The following MMUT variants were observed in gnomAD, a reference collection of about 807,000 sequenced individuals.
MMUT encodes the protein methylmalonyl-CoA mutase.
MMUT carries 79 observed loss-of-function variants against 79.9 expected under a neutral mutation model. That is an observed-to-expected ratio of 0.99 (90% CI 0.82 to 1.19). The LOEUF (loss-of-function observed/expected upper bound fraction) is 1.19. Among genes scored for constraint, MMUT ranks in the 50% most tolerant of loss-of-function variants. The pLI is 0.00. For synonymous variants in MMUT, 273 were observed against 295.7 expected (o/e 0.92, Z 0.79); for missense variants, 860 against 917.2 (o/e 0.94, Z 0.81).
chr6:49,435,633 C>A lies in MMUT; in HGVS notation c.1957-10G>T. 1 of 1,611,650 alleles carries A rather than the reference C, an allele frequency of 6.2e-7. No individual in the cohort carries two copies. The highest frequency in any genetic ancestry group is 1.1e-5 in the South Asian group (1 of 90,736). ...CCACTTCACGAGGAGTCTAAACAGT[C>A]AGAAAGTAAAGATAAATCATTGTTT... On this transcript the variant is annotated splice_polypyrimidine_tract_variant and intron_variant, in intron 11 of 12. Coordinates refer to ENST00000274813, the MANE Select transcript of MMUT (RefSeq NM_000255.4).
Position 49,446,213 on chromosome 6 carries a change from G to A in MMUT, c.1560+1457C>T, listed in dbSNP as rs972536538. ...TTAATATAAAATTACTGTTGAGATA[G>A]TTCACATTTTTAAAAAAATTACCAC... On this transcript the variant is annotated intron_variant, in intron 8 of 12. Coordinates refer to ENST00000274813, the MANE Select transcript of MMUT (RefSeq NM_000255.4). Among the ~76,000 whole-genome samples the A allele has an allele frequency of 2.0e-5, 3 of 151,844 alleles. No individual in the cohort carries two copies. In the East Asian group the frequency reaches 5.8e-4, roughly 29 times the overall value.
At chr6:49,461,294 T>C (rs529083155) in intron 1 of MMUT, among the ~76,000 whole-genome samples, 29 of 152,306 alleles carry the variant, frequency 1.9e-4, no homozygotes, top group African/African-American at 7.0e-4. Flanking sequence ...TATACAGTTA[T>C]GTTTTATGCA....
chr6:49,435,464 G>A lies in MMUT; in HGVS notation c.2116C>T (p.Pro706Ser), dbSNP rs1196456166. The change falls in exon 12 of 13, where the codon CCA becomes TCA. Residue 706 changes from proline to serine, a missense_variant. Physicochemically the swap from Pro to Ser is moderately conservative, Grantham distance 74. Transcript: ENST00000274813. Reference protein sequence around the residue: ...DILVMCGGVIPPQDYEFLFEV... With the variant: ...DILVMCGGVISPQDYEFLFEV... ...ATAGAGATAAAAAATACCTGAGGTG[G>A]TATCACCCCTCCACACATGACAAGA... The A allele has an allele frequency of 9.9e-6, 16 of 1,613,550 alleles. No homozygotes were observed. Among genetic ancestry groups the A allele is most frequent in the Non-Finnish European group, 1.2e-5 (14 of 1,179,656 alleles).
Position 49,454,547 on chromosome 6 carries a change from A to T in MMUT, c.912-791T>A, listed in dbSNP as rs572300523. Among the ~76,000 whole-genome samples, 5 of 152,280 alleles carry T rather than the reference A, an allele frequency of 3.3e-5. No individual in the cohort carries two copies. The East Asian group carries it at 9.6e-4, about 29-fold the overall frequency. ...GGTCTTGAATTCCTGGCCTCATGTG[A>T]TCTGTCCGCCTCGGTCACCCGAAGC... On this transcript the variant is annotated intron_variant, in intron 4 of 12. Transcript: ENST00000274813.
chr6:49,462,881 T>G (rs1211403928), intron 1 of MMUT, among the ~76,000 whole-genome samples: 1 of 152,094 alleles, frequency 6.6e-6, no homozygotes, highest in African/African-American at 2.4e-5. Flanking sequence ...CAGAAGTACC[T>G]CCGAATTGCC....
intron 11 of MMUT, 42 bp downstream of exon 11, chr6:49,440,164 C>A: frequency 1.2e-6 from 2 of 1,608,436 alleles, no homozygotes; most frequent in Non-Finnish European, 1.7e-6. Flanking sequence ...ATGTAAGTGA[C>A]TAGTAAATAC....
chr6:49,437,402 A>G (rs1464154081), intron 11 of MMUT, among the ~76,000 whole-genome samples: 1 of 152,160 alleles, frequency 6.6e-6, no homozygotes, highest in Non-Finnish European at 1.5e-5. Context: ...TATCACTACC[A>G]TATAGAAAAA....
intron 12 of MMUT, among the ~76,000 whole-genome samples, chr6:49,433,406 T>C (rs1219240150): frequency 2.6e-5 from 4 of 152,246 alleles, no homozygotes; most frequent in Non-Finnish European, 5.9e-5. Flanking sequence ...TTGTAAAATA[T>C]ACCTTTGTGA....
At chr6:49,443,077 T>C (rs895814589) in intron 9 of MMUT, among the ~76,000 whole-genome samples, 12 of 152,118 alleles carry the variant, frequency 7.9e-5, no homozygotes, top group African/African-American at 2.7e-4. Context: ...GCAAAAGTAA[T>C]CATTTAATGA....
In MMUT at chr6:49,440,238, C is replaced by G. The variant is rs747897332; in HGVS notation, c.1924G>C (p.Gly642Arg). Reference protein sequence around the residue: ...KVIATGFADLGFDVDIGPLFQ... With the variant: ...KVIATGFADLRFDVDIGPLFQ... ...AGAGGGCCTATGTCCACATCAAAAC[C>G]AAGATCAGCAAATCCTGTAGCAATA... is the stretch of plus-strand genomic sequence containing the variant. Residue 642 changes from glycine to arginine, a missense_variant, in exon 11 of 13, where the codon GGT (glycine) becomes CGT (arginine). Gly to Arg is a moderately radical substitution (Grantham distance 125). Coordinates refer to ENST00000274813, the MANE Select transcript of MMUT (RefSeq NM_000255.4). 96 of 1,613,946 alleles carry G rather than the reference C, an allele frequency of 5.9e-5. No individual in the cohort carries two copies. The highest frequency in any genetic ancestry group is 7.6e-5 in the Non-Finnish European group (90 of 1,179,962).
At chr6:49,449,855 C>T (rs1446029446) in intron 6 of MMUT, among the ~76,000 whole-genome samples, 1 of 151,864 alleles carries the variant, frequency 6.6e-6, no homozygotes, top group African/African-American at 2.4e-5. Flanking sequence ...AAATATAATA[C>T]ATGAATGTAA....
chr6:49,455,941 T>G, intron 4 of MMUT, 139 bp downstream of exon 4: 3 of 755,350 alleles, frequency 4.0e-6, no homozygotes, highest in Non-Finnish European at 6.1e-6. Flanking sequence ...TGGCTTTTTC[T>G]CTCATTATCA....
chr6:49,461,702 G>C (rs539821311), intron 1 of MMUT, among the ~76,000 whole-genome samples: 5 of 152,196 alleles, frequency 3.3e-5, no homozygotes, highest in Non-Finnish European at 5.9e-5. Flanking sequence ...CCGGGAAGCA[G>C]AGGTTGCAGT....
chr6:49,459,080 A>T lies in MMUT; in HGVS notation c.385+2T>A, dbSNP rs1192889987. ...ATATTATGTCTTACATTAAAATCTC[A>T]CCCTTAATGTTGTCCTTATAGAACT... is the stretch of plus-strand genomic sequence containing the variant. On this transcript the variant is annotated splice_donor_variant, in intron 2 of 12. Transcript: ENST00000274813. LOFTEE classifies it high-confidence loss of function. The T allele has an allele frequency of 6.2e-7, 1 of 1,613,168 alleles. No homozygotes were observed. Among genetic ancestry groups the T allele is most frequent in the Non-Finnish European group, 8.5e-7 (1 of 1,179,484 alleles).
chr6:49,453,544 A>G lies in MMUT; in HGVS notation c.1083+41T>C, dbSNP rs372604756. 30 of 1,237,904 alleles carry G rather than the reference A, an allele frequency of 2.4e-5. No homozygotes were observed. In the African/African-American group the frequency reaches 4.3e-4, roughly 18 times the overall value. 76.7% of individuals were successfully genotyped at this position (1,237,904 alleles called of 1,614,324 possible). A position where few individuals can be genotyped will look rare whatever the true frequency, so the allele number is the denominator to read the frequency against. On this transcript the variant is annotated intron_variant, in intron 5 of 12. Transcript: ENST00000274813. ...CATTGCTCAGAAAAAATATATATATATAACTTTATTAAAATTCTACATTTT... is the reference window on the plus strand; with the variant it reads ...CATTGCTCAGAAAAAATATATATATGTAACTTTATTAAAATTCTACATTTT...
At chr6:49,452,060 T>C (rs1767568097) in intron 5 of MMUT, among the ~76,000 whole-genome samples, 1 of 152,232 alleles carries the variant, frequency 6.6e-6, no homozygotes, top group South Asian at 2.1e-4. Flanking sequence ...CTGATTATTT[T>C]GTCTACCTCA....
intron 11 of MMUT, 66 bp downstream of exon 11, chr6:49,440,140 A>T: frequency 6.4e-7 from 1 of 1,573,096 alleles, no homozygotes; most frequent in Non-Finnish European, 8.7e-7. Context: ...TCATCATTTT[A>T]CTACATTTTC....
In MMUT at chr6:49,463,096, T is replaced by C. The variant is rs534958531; in HGVS notation, c.-40+7A>G. On this transcript the variant is annotated splice_region_variant and intron_variant, in intron 1 of 12. Transcript: ENST00000274813. ...GGAGCGATCTGAAAGGTGTACGTCC[T>C]ACTCACTGGTAGGCCTGTTTTGGAC... 6.6e-6 allele frequency: 1 copy of C among 152,494 alleles called. No individual in the cohort carries two copies. The highest frequency in any genetic ancestry group is 2.4e-5 in the African/African-American group (1 of 41,566). 9.4% of individuals were successfully genotyped at this position (152,494 alleles called of 1,614,324 possible).
chr6:49,441,355 C>T (rs1353976844), intron 10 of MMUT, among the ~76,000 whole-genome samples: 1 of 151,722 alleles, frequency 6.6e-6, no homozygotes, highest in Admixed American at 6.6e-5. Context: ...ATTATTCAAG[C>T]AATGAAAAAT....
Sources: gnomAD v4.1 joint callset for allele counts (sites outside exome capture counted in the v4.1 genomes callset) on GRCh38, gnomAD v4.1.1 for gene constraint, MANE v1.5 for transcripts, NCBI Gene and HGNC (gene_info 2026-07-23, HGNC 2026-07-21) for gene names.